Variants in SNX6 observed in about 807,000 individuals in gnomAD.
SNX6 encodes sorting nexin 6.
In SNX6, 34 loss-of-function variants were observed where a neutral mutation model predicts 63.0. That is an observed-to-expected ratio of 0.54 (90% confidence interval 0.41 to 0.72). SNX6 has a LOEUF of 0.72. Among genes scored for constraint, SNX6 ranks in the 30% least tolerant of loss-of-function variants. The pLI is 0.00. For synonymous variants in SNX6, 170 were observed against 164.2 expected (o/e 1.04, Z -0.27); for missense variants, 398 against 471.4 (o/e 0.84, Z 1.44).
rs1883564450 is a variant in SNX6, at chr14:34,619,972, A to G, written c.54+9935T>C. ...AGCGATCCTCCCACCTTAGCCTCTC[A>G]AATGCTGGGATTACAGGCATGAGCC... On this transcript the variant is annotated intron_variant, in intron 2 of 13. Coordinates refer to ENST00000362031, the MANE Select transcript of SNX6 (RefSeq NM_152233.4). Among the ~76,000 whole-genome samples the G allele has an allele frequency of 2.6e-5, 4 of 152,146 alleles. No individual in the cohort carries two copies. The South Asian group carries it at 8.3e-4, about 32-fold the overall frequency.
At chr14:34,579,125 C>T (rs1463725473) in intron 10 of SNX6, among the ~76,000 whole-genome samples, 1 of 151,812 alleles carries the variant, frequency 6.6e-6, no homozygotes, top group African/African-American at 2.4e-5. Context: ...GCAGTTTCTG[C>T]TGAAGCTTTT....
chr14:34,564,594 G>C (rs561632660), intron 13 of SNX6, among the ~76,000 whole-genome samples: 1 of 151,992 alleles, frequency 6.6e-6, no homozygotes, highest in Non-Finnish European at 1.5e-5. Flanking sequence ...CTGGGAAGCC[G>C]AGGTAGGCGG....
At chr14:34,568,419 T>C (rs1437797242) in intron 11 of SNX6, among the ~76,000 whole-genome samples, 3 of 151,814 alleles carry the variant, frequency 2.0e-5, no homozygotes, top group African/African-American at 4.8e-5. Flanking sequence ...TTAGTAGAGA[T>C]GGGGTTTCAC....
chr14:34,586,248 T>C lies in SNX6; in HGVS notation c.776A>G (p.Asp259Gly). Residue 259 changes from aspartate (D) to glycine (G), a missense_variant, in exon 9 of 14, where the codon GAT becomes GGT. Physicochemically the swap from Asp to Gly is moderately conservative, Grantham distance 94. Transcript: ENST00000362031. ...CACTTACTTGCATATATCTGTAGAA[T>C]CCTGAGTTCCTAAAGCATATAATGA... ...GSSLYALGTQ[D>G]STDICKFFLK... 6.2e-7 allele frequency: 1 copy of C among 1,604,458 alleles called. No homozygotes were observed. Among genetic ancestry groups the C allele is most frequent in the Non-Finnish European group, 8.5e-7 (1 of 1,171,930 alleles).
intron 2 of SNX6, among the ~76,000 whole-genome samples, chr14:34,610,948 T>C (rs551819652): frequency 1.3e-5 from 2 of 152,264 alleles, no homozygotes; most frequent in Admixed American, 6.5e-5. Flanking sequence ...AAATACAAAA[T>C]TGTTTACTCA....
At chr14:34,565,405 A>C (rs1881132981) in intron 13 of SNX6, among the ~76,000 whole-genome samples, 1 of 151,774 alleles carries the variant, frequency 6.6e-6, no homozygotes, top group Admixed American at 6.6e-5. Context: ...GAAAAAAAAA[A>C]CCCAACCATT....
At chr14:34,574,227 T>C (rs1253588681) in intron 11 of SNX6, among the ~76,000 whole-genome samples, 1 of 151,010 alleles carries the variant, frequency 6.6e-6, no homozygotes, top group Non-Finnish European at 1.5e-5. Flanking sequence ...TCCCAGCTAC[T>C]TGGGAGGCTG....
At position 34,625,088 on chromosome 14, in the gene SNX6, T is replaced by C. The variant is rs201029339; in HGVS notation, c.54+4819A>G. ...CCGCCACCATGCCCAGCTAATTTTCTGTATTTTTAGCAGGGACAGGGTTTC... is the reference window on the plus strand; with the variant it reads ...CCGCCACCATGCCCAGCTAATTTTCCGTATTTTTAGCAGGGACAGGGTTTC... On this transcript the variant is annotated intron_variant, in intron 2 of 13. Transcript: ENST00000362031. 1.6e-4 allele frequency among the ~76,000 whole-genome samples: 24 copies of C among 152,020 alleles called. No homozygotes were observed. The East Asian group carries it at 3.8e-3, about 24-fold the overall frequency.
intron 6 of SNX6, among the ~76,000 whole-genome samples, chr14:34,599,851 T>A (rs1882741006): frequency 6.6e-6 from 1 of 151,820 alleles, no homozygotes. Flanking sequence ...ATCCAAACAG[T>A]CTTTCTGACT....
At chr14:34,605,838 AG>A in intron 4 of SNX6, 121 bp from the exon 5 acceptor site, 1 of 1,210,662 alleles carries the variant, frequency 8.3e-7, no homozygotes, top group Non-Finnish European at 1.1e-6. Flanking sequence ...GCTGAACACC[AG>A]GAACACCCAA....
At chr14:34,625,919 A>C (rs1040769846) in intron 2 of SNX6, among the ~76,000 whole-genome samples, 3 of 152,044 alleles carry the variant, frequency 2.0e-5, no homozygotes, top group Admixed American at 6.6e-5. Context: ...TTCTAATGCA[A>C]GTATTTCAAG....
chr14:34,574,619 C>CAAAAAA (rs33959613), intron 11 of SNX6, among the ~76,000 whole-genome samples: 13 of 79,398 alleles, frequency 1.6e-4, no homozygotes, highest in African/African-American at 2.3e-4. Flanking sequence ...GACTCCATCT[C>CAAAAAA]AAAAAAAAAA....
chr14:34,571,669 A>G (rs963620597), intron 11 of SNX6, among the ~76,000 whole-genome samples: 10 of 152,172 alleles, frequency 6.6e-5, no homozygotes, highest in Non-Finnish European at 1.3e-4. Context: ...ACTGTGTATA[A>G]TATTATAATG....
At position 34,593,149 on chromosome 14, in the gene SNX6, T is replaced by C. The variant is rs1295262031; in HGVS notation, c.614A>G (p.Asp205Gly). 1.3e-6 allele frequency: 2 copies of C among 1,560,734 alleles called. No individual in the cohort carries two copies. The highest frequency in any genetic ancestry group is 4.1e-5 in the Admixed American group (2 of 49,256). The change falls in exon 8 of 14, where the codon GAT (aspartate) becomes GGT (glycine). Residue 205 changes from aspartate (D) to glycine (G), a missense_variant and splice_region_variant. Transcript: ENST00000362031. ...ADGVIVSGVKDVDDFFEHERT... is the reference protein window; with the variant it reads ...ADGVIVSGVKGVDDFFEHERT... ...TTCGTGCTCAAAGAAATCATCTACA[T>C]CCTATAAGATCAAAAGAAAATATAA... is the stretch of plus-strand genomic sequence containing the variant.
intron 13 of SNX6, 147 bp from the exon 14 acceptor site, chr14:34,563,322 G>T: frequency 1.5e-6 from 1 of 663,808 alleles, no homozygotes. Context: ...ACTCTGGGAG[G>T]CCGAGGCGGG....
chr14:34,622,568 G>A (rs1883666120), intron 2 of SNX6, among the ~76,000 whole-genome samples: 1 of 67,292 alleles, frequency 1.5e-5, no homozygotes. Context: ...GGGCAATAGA[G>A]CAAAAAAAAA....
At chr14:34,603,546 A>T in intron 5 of SNX6, 75 bp from the exon 6 acceptor site, 2 of 1,288,732 alleles carry the variant, frequency 1.6e-6, no homozygotes, top group South Asian at 3.1e-5. Context: ...TTTTTTCAGA[A>T]AATACTCTTT....
chr14:34,613,687 G>A (rs868191638), intron 2 of SNX6, among the ~76,000 whole-genome samples: 11 of 152,036 alleles, frequency 7.2e-5, no homozygotes, highest in African/African-American at 2.2e-4. Context: ...CAGCTACTCC[G>A]GAGGCTGAGG....
At chr14:34,598,400 AT>A (rs1028718370) in intron 6 of SNX6, among the ~76,000 whole-genome samples, 2 of 151,926 alleles carry the variant, frequency 1.3e-5, no homozygotes, top group African/African-American at 4.8e-5. Flanking sequence ...GATGAAAAAA[AT>A]TTTTTTTGAG....
Sources: allele counts gnomAD v4.1 joint callset (sites outside exome capture counted in the v4.1 genomes callset), GRCh38; gene constraint gnomAD v4.1.1; transcripts MANE v1.5; gene names NCBI Gene and HGNC (gene_info 2026-07-23, HGNC 2026-07-21).